CPNE8: variants seen among roughly 807,000 people sequenced by gnomAD.
CPNE8 encodes copine 8.
CPNE8 carries 45 observed loss-of-function variants against 81.5 expected under a neutral mutation model. The observed-to-expected ratio is 0.55, with a 90% confidence interval of 0.44 to 0.71. The LOEUF (loss-of-function observed/expected upper bound fraction) is 0.71. CPNE8 is among the 30% of genes least tolerant of loss of function. The pLI is 0.00. For synonymous variants in CPNE8, 252 were observed against 226.3 expected (o/e 1.11, Z -1.02); for missense variants, 594 against 672.1 (o/e 0.88, Z 1.28).
At chr12:38,847,207 GCAGA>G (rs1943572437) in intron 4 of CPNE8, among the ~76,000 whole-genome samples, 1 of 152,012 alleles carries the variant, frequency 6.6e-6, no homozygotes, top group Non-Finnish European at 1.5e-5. Flanking sequence ...TGAAAACAAT[GCAGA>G]TGAATGAGAA....
chr12:38,730,617 T>C (rs933943060), intron 10 of CPNE8, among the ~76,000 whole-genome samples: 3 of 151,752 alleles, frequency 2.0e-5, no homozygotes, highest in African/African-American at 7.2e-5. Flanking sequence ...CAAACAGGTA[T>C]ACTAGTTTTG....
chr12:38,847,413 G>A (rs1943577142), intron 4 of CPNE8, among the ~76,000 whole-genome samples: 1 of 152,074 alleles, frequency 6.6e-6, no homozygotes, highest in Non-Finnish European at 1.5e-5. Context: ...CATACTACAT[G>A]ACTTATATCT....
chr12:38,737,466 A>G (rs1462074712), intron 10 of CPNE8, among the ~76,000 whole-genome samples: 1 of 152,188 alleles, frequency 6.6e-6, no homozygotes. Context: ...TACTTTATGT[A>G]GCATATACTT....
chr12:38,830,614 C>T (rs1943270049), intron 5 of CPNE8, among the ~76,000 whole-genome samples: 2 of 152,140 alleles, frequency 1.3e-5, no homozygotes, highest in Non-Finnish European at 2.9e-5. Flanking sequence ...GTGTACTGAA[C>T]ACGACCAAGA....
intron 19 of CPNE8, among the ~76,000 whole-genome samples, chr12:38,662,360 T>A (rs1017297882): frequency 3.9e-5 from 6 of 152,082 alleles, no homozygotes; most frequent in African/African-American, 1.4e-4. Context: ...TTTATACCAA[T>A]GGCAAACTAG....
chr12:38,719,110 A>C (rs933000372), intron 13 of CPNE8, among the ~76,000 whole-genome samples: 1 of 152,164 alleles, frequency 6.6e-6, no homozygotes, highest in Non-Finnish European at 1.5e-5. Context: ...ATAAGATGTC[A>C]TTAGGTCATG....
intron 8 of CPNE8, among the ~76,000 whole-genome samples, chr12:38,766,080 G>T (rs573576799): frequency 3.3e-5 from 5 of 152,160 alleles, no homozygotes; most frequent in African/African-American, 1.2e-4. Flanking sequence ...GGATGGTCTC[G>T]ATCTCTTGAC....
chr12:38,827,362 T>G (rs1324810531), intron 6 of CPNE8, among the ~76,000 whole-genome samples: 3 of 152,144 alleles, frequency 2.0e-5, no homozygotes, highest in Non-Finnish European at 2.9e-5. Flanking sequence ...AACACTTATA[T>G]GCTGCTGGTG....
chr12:38,863,992 T>C (rs891812411), intron 3 of CPNE8, among the ~76,000 whole-genome samples: 1 of 149,868 alleles, frequency 6.7e-6, no homozygotes, highest in Non-Finnish European at 1.5e-5. Context: ...CGATGGAGCT[T>C]GCAGTGAGCC....
chr12:38,837,768 C>T (rs1332591387), intron 5 of CPNE8, among the ~76,000 whole-genome samples: 6 of 151,890 alleles, frequency 4.0e-5, no homozygotes, highest in Non-Finnish European at 7.4e-5. Flanking sequence ...CTTAATCTAA[C>T]CTATGTCAGG....
At chr12:38,737,112 AAT>A (rs1261988596) in intron 10 of CPNE8, among the ~76,000 whole-genome samples, 1 of 151,802 alleles carries the variant, frequency 6.6e-6, no homozygotes, top group African/African-American at 2.4e-5. Flanking sequence ...TTTTCAGAGT[AAT>A]GGGAATTAAT....
At chr12:38,717,429 G>GTGTGTATATATATA (rs770984926) in intron 13 of CPNE8, among the ~76,000 whole-genome samples, 1 of 87,052 alleles carries the variant, frequency 1.1e-5, no homozygotes, top group African/African-American at 4.6e-5. Flanking sequence ...AAAGTGTGGT[G>GTGTGTATATATATA]TATATATATA....
intron 13 of CPNE8, among the ~76,000 whole-genome samples, chr12:38,711,026 A>G (rs1174727958): frequency 6.6e-6 from 1 of 152,200 alleles, no homozygotes; most frequent in Admixed American, 6.5e-5. Flanking sequence ...GTTGTCTACA[A>G]TAGAATAATT....
chr12:38,658,900 C>T (rs1161973544), intron 19 of CPNE8, among the ~76,000 whole-genome samples: 1 of 152,082 alleles, frequency 6.6e-6, no homozygotes, highest in Non-Finnish European at 1.5e-5. Flanking sequence ...CTGAAGGAAA[C>T]ACTAAATATG....
intron 10 of CPNE8, among the ~76,000 whole-genome samples, chr12:38,735,592 T>C (rs4768329): frequency 0.55 from 83,778 of 151,674 alleles, 23,674 homozygotes; most frequent in East Asian, 0.81. Flanking sequence ...TGATTTCTTA[T>C]ACGATAACAT....
chr12:38,891,829 A>C (rs1407549768), intron 1 of CPNE8, among the ~76,000 whole-genome samples: 1 of 152,268 alleles, frequency 6.6e-6, no homozygotes, highest in East Asian at 1.9e-4. Flanking sequence ...TCATTCTTCC[A>C]ATCTATCAAG....
intron 7 of CPNE8, among the ~76,000 whole-genome samples, chr12:38,775,077 A>ACTAT (rs141772212): frequency 2.0e-3 from 308 of 152,156 alleles, no homozygotes; most frequent in Non-Finnish European, 3.5e-3. Context: ...TATTATCTCA[A>ACTAT]CTATCTATCT....
intron 18 of CPNE8, 32 bp downstream of exon 18, chr12:38,675,685 C>T: frequency 1.5e-6 from 2 of 1,367,606 alleles, no homozygotes; most frequent in Non-Finnish European, 2.1e-6. Context: ...AAATGAACTC[C>T]CAAGGAATAT....
At chr12:38,685,080 T>C (rs1297836384) in intron 16 of CPNE8, among the ~76,000 whole-genome samples, 1 of 152,206 alleles carries the variant, frequency 6.6e-6, no homozygotes, top group Non-Finnish European at 1.5e-5. Context: ...CGTTGACAGC[T>C]TCAAGTAGTC....
Sources: gnomAD v4.1 joint callset for allele counts (sites outside exome capture counted in the v4.1 genomes callset) on GRCh38, gnomAD v4.1.1 for gene constraint, MANE v1.5 for transcripts, NCBI Gene and HGNC (gene_info 2026-07-23, HGNC 2026-07-21) for gene names.